SGK1: variants seen among roughly 807,000 people sequenced by gnomAD.
The protein encoded by SGK1 is serine/threonine-protein kinase Sgk1.
SGK1 carries 26 observed loss-of-function variants against 64.2 expected under a neutral mutation model. That is an observed-to-expected ratio of 0.40 (90% confidence interval 0.30 to 0.56). The LOEUF is 0.56. Among genes scored for constraint, SGK1 ranks in the 20% least tolerant of loss-of-function variants. The pLI is 0.38. For missense variants in SGK1, 519 were observed against 645.6 expected, an observed-to-expected ratio of 0.80 and a Z score of 2.12; for synonymous variants, 265 against 239.7, an observed-to-expected ratio of 1.11 and a Z score of -0.98.
At chr6:134,294,694 C>T (rs544871699) in intron 1 of SGK1, among the ~76,000 whole-genome samples, 3 of 152,204 alleles carry the variant, frequency 2.0e-5, no homozygotes, top group South Asian at 4.2e-4. Flanking sequence ...ACCACCCCCC[C>T]AACCAGCTAA....
At chr6:134,290,427 TC>T (rs1270842015) in intron 1 of SGK1, among the ~76,000 whole-genome samples, 4 of 147,550 alleles carry the variant, frequency 2.7e-5, no homozygotes, top group Non-Finnish European at 3.0e-5. Flanking sequence ...TGATTTTCTG[TC>T]AAAAAAAAAA....
chr6:134,295,894 C>T lies in SGK1; in HGVS notation c.69+21498G>A, dbSNP rs149754480. On this transcript the variant is annotated intron_variant, in intron 1 of 13. Transcript: ENST00000367858. ...GTCAGTAAGGACATGGGAGTGGGAA[C>T]CCATGGCAATTTAGAAGGTAGAATT... is the stretch of plus-strand genomic sequence containing the variant. Among the ~76,000 whole-genome samples the T allele has an allele frequency of 6.2e-3, 947 of 152,184 alleles. 4 individuals carry two copies. The highest frequency in any genetic ancestry group is 0.022 in the African/African-American group (905 of 41,504).
At chr6:134,236,223 A>C (rs559590016) in intron 2 of SGK1, among the ~76,000 whole-genome samples, 2 of 152,304 alleles carry the variant, frequency 1.3e-5, no homozygotes, top group East Asian at 3.9e-4. Context: ...TTAAACACAA[A>C]TTTACATATG....
At chr6:134,312,019 T>A (rs1301805530) in intron 1 of SGK1, among the ~76,000 whole-genome samples, 2 of 152,198 alleles carry the variant, frequency 1.3e-5, no homozygotes, top group East Asian at 3.8e-4. Flanking sequence ...TCACAAGTAG[T>A]TTCCAATTCA....
intron 2 of SGK1, among the ~76,000 whole-genome samples, chr6:134,251,685 A>G (rs1776608045): frequency 1.3e-5 from 2 of 152,192 alleles, no homozygotes; most frequent in South Asian, 4.1e-4. Context: ...GAGTGCAGCC[A>G]GAAACTTGCT....
At chr6:134,267,921 C>G (rs1192105208) in intron 1 of SGK1, among the ~76,000 whole-genome samples, 1 of 152,210 alleles carries the variant, frequency 6.6e-6, no homozygotes, top group Non-Finnish European at 1.5e-5. Context: ...TGGCTTAGTC[C>G]TTATACTGGC....
intron 1 of SGK1, among the ~76,000 whole-genome samples, chr6:134,281,507 T>G (rs1023336635): frequency 6.7e-6 from 1 of 148,354 alleles, no homozygotes; most frequent in Non-Finnish European, 1.5e-5. Context: ...TAAAACTGGC[T>G]ACCAATTTGT....
At chr6:134,211,982 T>C (rs778719959) in intron 2 of SGK1, among the ~76,000 whole-genome samples, 19 of 152,100 alleles carry the variant, frequency 1.2e-4, no homozygotes, top group Admixed American at 2.0e-4. Flanking sequence ...CTTCAATTGT[T>C]AGAAAGCTCT....
intron 1 of SGK1, among the ~76,000 whole-genome samples, chr6:134,316,834 G>A (rs1288780531): frequency 6.7e-6 from 1 of 149,980 alleles, no homozygotes; most frequent in Non-Finnish European, 1.5e-5. Context: ...TTTAAATGCT[G>A]GATTCCATCA....
At chr6:134,241,813 C>G (rs1283402678) in intron 2 of SGK1, among the ~76,000 whole-genome samples, 2 of 151,296 alleles carry the variant, frequency 1.3e-5, no homozygotes, top group African/African-American at 4.9e-5. Context: ...GTAGAGACGG[C>G]GTTTCACCGC....
chr6:134,271,271 A>T (rs2114759548), intron 1 of SGK1, among the ~76,000 whole-genome samples: 1 of 129,410 alleles, frequency 7.7e-6, no homozygotes, highest in East Asian at 2.6e-4. Flanking sequence ...GTGAGCCGAG[A>T]TTGCACCACT....
At chr6:134,189,719 T>C (rs1775478148) in intron 3 of SGK1, among the ~76,000 whole-genome samples, 1 of 152,276 alleles carries the variant, frequency 6.6e-6, no homozygotes, top group African/African-American at 2.4e-5. Flanking sequence ...GTGTTGTTTA[T>C]ATACCTTATT....
chr6:134,248,215 G>A (rs1582740758), intron 2 of SGK1, among the ~76,000 whole-genome samples: 1 of 151,990 alleles, frequency 6.6e-6, no homozygotes, highest in African/African-American at 2.4e-5. Flanking sequence ...GCCCAAGGAA[G>A]GTCAGCTAGA....
At position 134,174,596 on chromosome 6, in the gene SGK1, AAGG is replaced by A. The variant is rs768958872; in HGVS notation, c.362-13_362-11del. 1.2e-5 allele frequency: 20 copies of A among 1,612,730 alleles called. No individual in the cohort carries two copies. Among genetic ancestry groups the A allele is most frequent in the African/African-American group, 1.1e-4 (8 of 74,908 alleles). Reference sequence around the variant, plus strand: ...CTCTGCTTCATGAAAGCTGTGGATGAAGGAGGAGAAATAAAGAAACGTTTAGAC... The same window carrying A: ...CTCTGCTTCATGAAAGCTGTGGATGAAGGAGAAATAAAGAAACGTTTAGAC... On this transcript the variant is annotated splice_polypyrimidine_tract_variant and intron_variant, in intron 3 of 13. Coordinates refer to ENST00000367858, the MANE Select transcript of SGK1 (RefSeq NM_001143676.3).
At chr6:134,268,312 G>C (rs993993641) in intron 1 of SGK1, among the ~76,000 whole-genome samples, 3 of 152,134 alleles carry the variant, frequency 2.0e-5, no homozygotes, top group Admixed American at 1.3e-4. Flanking sequence ...CGGCAGCCTG[G>C]GCTCCTGGGC....
intron 2 of SGK1, among the ~76,000 whole-genome samples, chr6:134,235,608 G>T (rs1183660470): frequency 1.3e-5 from 2 of 150,734 alleles, no homozygotes; most frequent in Non-Finnish European, 3.0e-5. Flanking sequence ...TTTCCCTCCT[G>T]TTGCCCAGGC....
At chr6:134,297,958 T>A in intron 1 of SGK1, 1 of 810,188 alleles carries the variant, frequency 1.2e-6, no homozygotes, top group Non-Finnish European at 2.2e-6. Context: ...ATGCCGTCCA[T>A]GTCCGGGGAG....
At chr6:134,299,563 G>A (rs1777414752) in intron 1 of SGK1, among the ~76,000 whole-genome samples, 1 of 152,162 alleles carries the variant, frequency 6.6e-6, no homozygotes, top group African/African-American at 2.4e-5. Context: ...AAGGTATGCT[G>A]ATGTGTGCAG....
At chr6:134,289,235 AC>A (rs1777228023) in intron 1 of SGK1, among the ~76,000 whole-genome samples, 1 of 152,242 alleles carries the variant, frequency 6.6e-6, no homozygotes, top group Non-Finnish European at 1.5e-5. Flanking sequence ...GTTCGGCTGC[AC>A]ATTTCAGGTG....
Sources: gnomAD v4.1 joint callset for allele counts (sites outside exome capture counted in the v4.1 genomes callset) on GRCh38, gnomAD v4.1.1 for gene constraint, MANE v1.5 for transcripts, NCBI Gene and HGNC (gene_info 2026-07-23, HGNC 2026-07-21) for gene names.